The following RIOX2 variants were observed in gnomAD, a reference collection of about 807,000 sequenced individuals.
RIOX2 encodes the protein ribosomal oxygenase 2.
In RIOX2, 43 loss-of-function variants were observed where a neutral mutation model predicts 51.2. That is an observed-to-expected ratio of 0.84 (90% CI 0.66 to 1.08). The LOEUF (loss-of-function observed/expected upper bound fraction) is 1.08. Among genes scored for constraint, RIOX2 ranks in the 50% least tolerant of loss-of-function variants. RIOX2 has a pLI of 0.00. For synonymous variants in RIOX2, 226 were observed against 218.5 expected, an observed-to-expected ratio of 1.03 and a Z score of -0.30; for missense variants, 566 against 561.7, an observed-to-expected ratio of 1.01 and a Z score of -0.08.
chr3:97,966,289 C>G (rs918149526), intron 2 of RIOX2, among the ~76,000 whole-genome samples: 2 of 152,202 alleles, frequency 1.3e-5, no homozygotes, highest in African/African-American at 4.8e-5. Flanking sequence ...ACAAACCCCT[C>G]TCTTTCTCCT....
rs766581055 is a variant in RIOX2 at position 97,967,385 on chromosome 3, T to C, written c.209A>G (p.Asp70Gly). The C allele has an allele frequency of 6.2e-7, 1 of 1,614,132 alleles. No homozygotes were observed. The highest frequency in any genetic ancestry group is 8.5e-7 in the Non-Finnish European group (1 of 1,180,028). Residue 70 changes from aspartate (D) to glycine (G), a missense_variant, in exon 2 of 10, where the codon GAC becomes GGC. Coordinates refer to ENST00000394198, the MANE Select transcript of RIOX2 (RefSeq NM_153182.4). The stretch of plus-strand genomic sequence containing the variant: ...CCCATAGTATGTGGCCAGTGCAGGG[T>C]CATCTCTCTGAATGAGAAGGGGCTT... Reference protein sequence around the residue: ...EQKPLLIQRDDPALATYYGSL... With the variant: ...EQKPLLIQRDGPALATYYGSL...
Position 97,942,382 on chromosome 3 carries a change from A to G in RIOX2, c.*2802T>C. 1.2e-6 allele frequency: 2 copies of G among 1,611,876 alleles called. No homozygotes were observed. Among genetic ancestry groups the G allele is most frequent in the Non-Finnish European group, 1.7e-6 (2 of 1,178,518 alleles). On this transcript the variant is annotated 3_prime_UTR_variant, in exon 10 of 10. Coordinates refer to ENST00000394198, the MANE Select transcript of RIOX2 (RefSeq NM_153182.4). ...ATGGGCAATTCAGGCAGAAGTGGAG[A>G]CTGAATAAAAATGGAACTATCAGCT...
In RIOX2 at chr3:97,943,135, A is replaced by G; in HGVS notation, c.*2049T>C. 1.4e-6 allele frequency: 1 copy of G among 704,792 alleles called. No individual in the cohort carries two copies. Among genetic ancestry groups the G allele is most frequent in the Non-Finnish European group, 2.5e-6 (1 of 407,276 alleles). The allele number at this position is 704,792 out of a possible 1,614,324, so 43.7% of individuals were successfully genotyped here. A position where few individuals can be genotyped will look rare whatever the true frequency, so the allele number is the denominator to read the frequency against. ...GTAAATGACACATTCATCCACCGAA[A>G]TGGTGAGCTGAACAGAAGCTTGTGA... On this transcript the variant is annotated 3_prime_UTR_variant, in exon 10 of 10. Coordinates refer to ENST00000394198, the MANE Select transcript of RIOX2 (RefSeq NM_153182.4).
intron 2 of RIOX2, among the ~76,000 whole-genome samples, chr3:97,962,052 G>A (rs1418401755): frequency 1.3e-5 from 2 of 152,158 alleles, no homozygotes; most frequent in African/African-American, 4.8e-5. Context: ...GTAGAAAAGA[G>A]TGGAAGTCAG....
chr3:97,971,064 C>T (rs1426570286), intron 1 of RIOX2, among the ~76,000 whole-genome samples: 1 of 152,262 alleles, frequency 6.6e-6, no homozygotes, highest in Admixed American at 6.5e-5. Flanking sequence ...AAAACAGTTA[C>T]GGAAAAAACA....
intron 5 of RIOX2, among the ~76,000 whole-genome samples, chr3:97,953,395 T>TC (rs1199109773): frequency 6.6e-6 from 1 of 152,076 alleles, no homozygotes; most frequent in East Asian, 1.9e-4. Flanking sequence ...TTTTTTTTTT[T>TC]CCTGAGACAG....
At chr3:97,958,372 C>A (rs1355235356) in intron 4 of RIOX2, among the ~76,000 whole-genome samples, 1 of 152,182 alleles carries the variant, frequency 6.6e-6, no homozygotes, top group Non-Finnish European at 1.5e-5. Flanking sequence ...ATCCATGTAA[C>A]GTTCTTTTCC....
At chr3:97,962,788 T>A (rs1402043571) in intron 2 of RIOX2, among the ~76,000 whole-genome samples, 1 of 152,170 alleles carries the variant, frequency 6.6e-6, no homozygotes, top group South Asian at 2.1e-4. Flanking sequence ...ACTAACATTA[T>A]CTTCAGTTTA....
In RIOX2 at chr3:97,959,166, T is replaced by G. The variant is rs956158799; in HGVS notation, c.566A>C (p.Gln189Pro). Residue 189 changes from glutamine to proline, a missense_variant, in exon 4 of 10, where the codon CAG becomes CCG. Transcript: ENST00000394198. ...HYDDVEVFIL[Q>P]LEGEKHWRLY... is the part of the protein sequence containing the mutation. ...GCGCCAGTGTTTCTCTCCCTCCAGC[T>G]GCAGGATGAAAACCTAGAGACCCAC... The G allele has an allele frequency of 1.2e-6, 2 of 1,613,798 alleles. No homozygotes were observed. Among genetic ancestry groups the G allele is most frequent in the South Asian group, 1.1e-5 (1 of 90,990 alleles).
chr3:97,959,180 C>A lies in RIOX2; in HGVS notation c.553-1G>T, dbSNP rs990191573. ...CTCCCTCCAGCTGCAGGATGAAAAC[C>A]TAGAGACCCACAAGGCCCAGGAGCA... On this transcript the variant is annotated splice_acceptor_variant, in intron 3 of 9. Transcript: ENST00000394198. LOFTEE classifies it high-confidence loss of function. 3.1e-6 allele frequency: 5 copies of A among 1,613,170 alleles called. No homozygotes were observed. The highest frequency in any genetic ancestry group is 4.2e-6 in the Non-Finnish European group (5 of 1,179,630).
intron 8 of RIOX2, 88 bp from the exon 9 acceptor site, chr3:97,945,975 C>A: frequency 4.5e-6 from 4 of 882,748 alleles, no homozygotes; most frequent in Non-Finnish European, 7.1e-6. Context: ...AGGTCAACAC[C>A]AAAAAAAATT....
intron 4 of RIOX2, among the ~76,000 whole-genome samples, chr3:97,957,329 T>C (rs1194903310): frequency 6.6e-6 from 1 of 151,982 alleles, no homozygotes; most frequent in Non-Finnish European, 1.5e-5. Flanking sequence ...AAACCGTCTC[T>C]ACTAAAGATA....
At chr3:97,961,961 G>A (rs1028486912) in intron 2 of RIOX2, among the ~76,000 whole-genome samples, 1 of 152,104 alleles carries the variant, frequency 6.6e-6, no homozygotes, top group Admixed American at 6.5e-5. Context: ...TTGGGAGTCC[G>A]GAAGGCTTTT....
intron 3 of RIOX2, 134 bp from the exon 4 acceptor site, chr3:97,959,313 T>G (rs1418093804): frequency 4.9e-6 from 4 of 809,640 alleles, no homozygotes; most frequent in South Asian, 2.7e-5. Flanking sequence ...CAGGTTTTTT[T>G]TTTTTTTTTT....
intron 8 of RIOX2, 42 bp from the exon 9 acceptor site, chr3:97,945,929 A>G (rs1424785973): frequency 4.3e-6 from 6 of 1,386,730 alleles, no homozygotes; most frequent in Non-Finnish European, 5.1e-6. Context: ...CAACAACACA[A>G]CACTGAAGGT....
At chr3:97,967,102 T>C (rs1165094339) in intron 2 of RIOX2, 60 bp downstream of exon 2, 54 of 1,542,560 alleles carry the variant, frequency 3.5e-5, no homozygotes, top group Non-Finnish European at 4.3e-5. Context: ...TGAGCTGATA[T>C]GTGGCCAAAT....
intron 7 of RIOX2, among the ~76,000 whole-genome samples, chr3:97,949,276 C>T (rs374895888): frequency 5.9e-4 from 90 of 152,224 alleles, no homozygotes; most frequent in African/African-American, 2.0e-3. Flanking sequence ...GAGCCTGGCA[C>T]TTCTCCTCGC....
Position 97,944,053 on chromosome 3 carries a change from C to G in RIOX2, c.*1131G>C. ...CCCTTTAGGTGACAAGACTCTATAA[C>G]AGTGGTTACCTGTCTCCATGTTGAC... On this transcript the variant is annotated 3_prime_UTR_variant, in exon 10 of 10. Coordinates refer to ENST00000394198, the MANE Select transcript of RIOX2 (RefSeq NM_153182.4). 1 of 151,606 alleles carries G rather than the reference C, an allele frequency of 6.6e-6. No homozygotes were observed. The highest frequency in any genetic ancestry group is 3.2e-3 in the Middle Eastern group (1 of 314). The allele number at this position is 151,606 out of a possible 1,614,324, so 9.4% of individuals were successfully genotyped here.
chr3:97,959,267 C>A, intron 3 of RIOX2, 88 bp from the exon 4 acceptor site: 1 of 1,054,350 alleles, frequency 9.5e-7, no homozygotes, highest in South Asian at 1.7e-5. Context: ...CTCTAAGGGG[C>A]TAATAGACAA....
Sources: allele counts gnomAD v4.1 joint callset (sites outside exome capture counted in the v4.1 genomes callset), GRCh38; gene constraint gnomAD v4.1.1; transcripts MANE v1.5; gene names NCBI Gene and HGNC (gene_info 2026-07-23, HGNC 2026-07-21).